The following PAPSS2 variants were observed in gnomAD, a reference collection of about 807,000 sequenced individuals.
The protein encoded by PAPSS2 is 3'-phosphoadenosine 5'-phosphosulfate synthase 2, also known as bifunctional 3'-phosphoadenosine 5'-phosphosulfate synthase 2.
PAPSS2 carries 61 observed loss-of-function variants against 66.5 expected under a neutral mutation model. The observed-to-expected ratio is 0.92, with a 90% CI of 0.75 to 1.14. The LOEUF is 1.14. Ranked by LOEUF, PAPSS2 falls within the 50% of genes most tolerant of loss-of-function variation. PAPSS2 has a pLI of 0.00. For missense variants in PAPSS2, 708 were observed against 789.6 expected, an observed-to-expected ratio of 0.90 and a Z score of 1.24; for synonymous variants, 289 against 287.5, an observed-to-expected ratio of 1.01 and a Z score of -0.05.
chr10:87,690,924 A>G (rs988814977), intron 1 of PAPSS2, among the ~76,000 whole-genome samples: 14 of 152,110 alleles, frequency 9.2e-5, no homozygotes, highest in African/African-American at 3.4e-4. Context: ...AGTATGCACA[A>G]CCCATCATGA....
At chr10:87,660,115 TC>T in intron 1 of PAPSS2, 107 bp downstream of exon 1, 6 of 1,182,936 alleles carry the variant, frequency 5.1e-6, no homozygotes, top group Non-Finnish European at 7.4e-6. Context: ...GGAGGGGGCG[TC>T]GGGAGGAGGA....
At chr10:87,729,132 T>C (rs10887751) in intron 9 of PAPSS2, among the ~76,000 whole-genome samples, 79,493 of 151,812 alleles carry the variant, frequency 0.52, 22,117 homozygotes, top group East Asian at 0.75. Flanking sequence ...CGCATACACA[T>C]GACTAGCACT....
At position 87,715,823 on chromosome 10, in the gene PAPSS2, A is replaced by C. The variant is rs1445843627; in HGVS notation, c.845A>C (p.His282Pro). 3 of 1,597,216 alleles carry C rather than the reference A, an allele frequency of 1.9e-6. No individual in the cohort carries two copies. The Admixed American group carries it at 5.0e-5, about 27-fold the overall frequency. ...MREKEYLQVM[H>P]FDTLLDGMAL... ...GAGAAGGAGTACTTACAGGTTATGCACTTTGACACCCTGCTAGATGGTATG... is the reference window on the plus strand; with the variant it reads ...GAGAAGGAGTACTTACAGGTTATGCCCTTTGACACCCTGCTAGATGGTATG... Residue 282 changes from histidine to proline, a missense_variant, in exon 7 of 13, where the codon CAC becomes CCC. By Grantham distance (77) the His-to-Pro change is moderately conservative. Coordinates refer to ENST00000456849, the MANE Select transcript of PAPSS2 (RefSeq NM_001015880.2).
At chr10:87,688,288 G>T (rs1853113371) in intron 1 of PAPSS2, among the ~76,000 whole-genome samples, 1 of 151,730 alleles carries the variant, frequency 6.6e-6, no homozygotes, top group Admixed American at 6.6e-5. Flanking sequence ...TTTTTCAAAA[G>T]ATAATGATAA....
rs1049767279 is a variant in PAPSS2 at position 87,662,290 on chromosome 10, T to A, written c.27+2282T>A. On this transcript the variant is annotated intron_variant, in intron 1 of 12. Transcript: ENST00000456849. The stretch of plus-strand genomic sequence containing the variant: ...AAAGGAGATACCTCTTTTCCAGGTT[T>A]TTTTGGCCACACTCTCTGGATGAAT... 6.6e-5 allele frequency among the ~76,000 whole-genome samples: 10 copies of A among 152,068 alleles called. No individual in the cohort carries two copies. The South Asian group carries it at 2.1e-3, about 31-fold the overall frequency.
At chr10:87,713,334 A>AAAAAAT (rs764919253) in intron 3 of PAPSS2, 24 bp downstream of exon 3, 1 of 1,180,686 alleles carries the variant, frequency 8.5e-7, no homozygotes, top group Non-Finnish European at 1.2e-6. Flanking sequence ...AAAAAAAAAA[A>AAAAAAT]GGCACTACAC....
At chr10:87,690,247 A>C (rs1853155985) in intron 1 of PAPSS2, among the ~76,000 whole-genome samples, 1 of 152,242 alleles carries the variant, frequency 6.6e-6, no homozygotes, top group East Asian at 1.9e-4. Flanking sequence ...AACATTATGC[A>C]AGGGTAAAAT....
intron 1 of PAPSS2, among the ~76,000 whole-genome samples, chr10:87,694,080 G>A (rs908411582): frequency 1.3e-5 from 2 of 152,188 alleles, no homozygotes; most frequent in African/African-American, 4.8e-5. Context: ...CCTACTATAA[G>A]TCCAAGTATT....
At chr10:87,674,934 G>A (rs1852927181) in intron 1 of PAPSS2, among the ~76,000 whole-genome samples, 1 of 152,136 alleles carries the variant, frequency 6.6e-6, no homozygotes, top group Non-Finnish European at 1.5e-5. Context: ...CTCCATGCAT[G>A]GGTGTGCCCA....
At chr10:87,702,711 G>GT (rs902481753) in intron 1 of PAPSS2, among the ~76,000 whole-genome samples, 8 of 152,100 alleles carry the variant, frequency 5.3e-5, no homozygotes, top group South Asian at 2.1e-4. Flanking sequence ...GCACGTGCTT[G>GT]TTTTTTTTAA....
chr10:87,707,665 G>A (rs113617342), intron 1 of PAPSS2, among the ~76,000 whole-genome samples: 23,071 of 148,806 alleles, frequency 0.16, 1,780 homozygotes, highest in African/African-American at 0.2. Context: ...GGCCTCCTGG[G>A]TTCAAGTGAT....
intron 1 of PAPSS2, among the ~76,000 whole-genome samples, chr10:87,707,513 A>G (rs1338599225): frequency 6.7e-6 from 1 of 149,236 alleles, no homozygotes; most frequent in African/African-American, 2.5e-5. Context: ...TATTTTCCCG[A>G]AGTTTCTATT....
At chr10:87,699,604 C>G (rs184215436) in intron 1 of PAPSS2, among the ~76,000 whole-genome samples, 1 of 152,144 alleles carries the variant, frequency 6.6e-6, no homozygotes, top group East Asian at 1.9e-4. Context: ...GTAATCCTAG[C>G]ACTTTGGGAG....
chr10:87,728,963 T>C (rs914656951), intron 9 of PAPSS2, among the ~76,000 whole-genome samples: 5 of 152,086 alleles, frequency 3.3e-5, no homozygotes, highest in Non-Finnish European at 7.4e-5. Context: ...TTTATTTTTA[T>C]TTTTTAAAAA....
At chr10:87,685,710 C>A (rs951389062) in intron 1 of PAPSS2, among the ~76,000 whole-genome samples, 2 of 152,234 alleles carry the variant, frequency 1.3e-5, no homozygotes, top group South Asian at 4.1e-4. Flanking sequence ...TTTCACAATG[C>A]ATGTTTCTTT....
At chr10:87,712,923 A>G (rs1242163160) in intron 2 of PAPSS2, 152 bp from the exon 3 acceptor site, 2 of 621,382 alleles carry the variant, frequency 3.2e-6, no homozygotes, top group Non-Finnish European at 5.7e-6. Flanking sequence ...AGAGAAATGT[A>G]AGTACTTGCC....
Position 87,659,913 on chromosome 10 carries a change from C to A in PAPSS2, c.-69C>A. Reference sequence around the variant, plus strand: ...GCTGCTGCTGCTGCTGCTGCCGCCGCCGCCGCCGCCGTCCCTGCGTCCTTC... The same window carrying A: ...GCTGCTGCTGCTGCTGCTGCCGCCGACGCCGCCGCCGTCCCTGCGTCCTTC... On this transcript the variant is annotated 5_prime_UTR_variant, in exon 1 of 13. Transcript: ENST00000456849. 6.4e-7 allele frequency: 1 copy of A among 1,559,376 alleles called. No individual in the cohort carries two copies. Among genetic ancestry groups the A allele is most frequent in the Non-Finnish European group, 8.8e-7 (1 of 1,135,786 alleles).
intron 1 of PAPSS2, among the ~76,000 whole-genome samples, chr10:87,706,130 GTGTGTGTGTGTA>G (rs1853386154): frequency 9.1e-6 from 1 of 109,748 alleles, no homozygotes; most frequent in East Asian, 2.9e-4. Context: ...GTGTGTGTGT[GTGTGTGTGTGTA>G]TATATATACC....
Position 87,688,443 on chromosome 10 carries a change from T to TTTA in PAPSS2, c.28-20751_28-20750insATT, listed in dbSNP as rs1554863028. On this transcript the variant is annotated intron_variant, in intron 1 of 12. Transcript: ENST00000456849. Reference sequence around the variant, plus strand: ...AAGAACTATGGAAATTTCTTTTTTATTTTATTTATTTATTTATTTATTTAT... The same window carrying TTTA: ...AAGAACTATGGAAATTTCTTTTTTATTTATTTATTTATTTATTTATTTATTTAT... Among the ~76,000 whole-genome samples, 3 of 138,080 alleles carry TTTA rather than the reference T, an allele frequency of 2.2e-5. No homozygotes were observed. The East Asian group carries it at 6.3e-4, about 29-fold the overall frequency. The allele number at this position is 138,080 out of a possible 152,430, so 90.6% of individuals were successfully genotyped here.
Sources: allele counts gnomAD v4.1 joint callset (sites outside exome capture counted in the v4.1 genomes callset), GRCh38; gene constraint gnomAD v4.1.1; transcripts MANE v1.5; gene names NCBI Gene and HGNC (gene_info 2026-07-23, HGNC 2026-07-21).